The following FGD6 variants were observed in gnomAD, a reference collection of about 807,000 sequenced individuals.
FGD6 encodes the protein FYVE, RhoGEF and PH domain containing 6, also known as FYVE, RhoGEF and PH domain-containing protein 6.
A neutral mutation model predicts 149.4 loss-of-function variants in FGD6; 90 were observed. The ratio of observed to expected loss-of-function variants is 0.60; its 90% CI spans 0.51 to 0.72. The LOEUF (loss-of-function observed/expected upper bound fraction) is 0.72. Among genes scored for constraint, FGD6 ranks in the 30% least tolerant of loss-of-function variants. The pLI, the probability that FGD6 is intolerant of heterozygous loss-of-function variation, is 0.00. For synonymous variants in FGD6, 527 were observed against 584.0 expected (o/e 0.90, Z 1.41); for missense variants, 1,437 against 1,684.8 (o/e 0.85, Z 2.57).
At chr12:95,114,442 C>T in intron 8 of FGD6, among the ~76,000 whole-genome samples, 1 of 83,440 alleles carries the variant, frequency 1.2e-5, no homozygotes, top group Admixed American at 1.5e-4. Flanking sequence ...CCCATCTCTA[C>T]TACACACACA....
Position 95,149,463 on chromosome 12 carries a change from A to G in FGD6, c.2685+3348T>C, listed in dbSNP as rs1219342688. On this transcript the variant is annotated intron_variant, in intron 5 of 20. Transcript: ENST00000343958. Reference sequence around the variant, plus strand: ...TTATATATAATACATAGTATATTATACATCACATAGTATATATCACATATA... The same window carrying G: ...TTATATATAATACATAGTATATTATGCATCACATAGTATATATCACATATA... Among the ~76,000 whole-genome samples the G allele has an allele frequency of 2.2e-5, 3 of 133,440 alleles. No individual in the cohort carries two copies. The Admixed American group carries it at 2.8e-4, about 12-fold the overall frequency. 87.5% of individuals were successfully genotyped at this position (133,440 alleles called of 152,430 possible).
chr12:95,180,244 T>G (rs1260270172), intron 2 of FGD6, among the ~76,000 whole-genome samples: 2 of 151,372 alleles, frequency 1.3e-5, no homozygotes, highest in Admixed American at 1.3e-4. Flanking sequence ...GTGTGTATAT[T>G]TGTGTGTGTG....
intron 8 of FGD6, among the ~76,000 whole-genome samples, chr12:95,132,337 G>GT (rs951303019): frequency 6.6e-6 from 1 of 152,136 alleles, no homozygotes; most frequent in African/African-American, 2.4e-5. Flanking sequence ...AGTAAAGAGA[G>GT]TTTTTTAAAA....
At chr12:95,126,025 C>A in intron 8 of FGD6, 1 of 1,318,914 alleles carries the variant, frequency 7.6e-7, no homozygotes, top group South Asian at 1.2e-5. Context: ...TGGGCAGCCA[C>A]ACAATGGGCC....
rs2056709257 is a variant in FGD6, at chr12:95,209,223, G to A, written c.2061C>T (p.Pro687=). 2 of 1,614,078 alleles carry A rather than the reference G, an allele frequency of 1.2e-6. No individual in the cohort carries two copies. The highest frequency in any genetic ancestry group is 1.3e-5 in the African/African-American group (1 of 74,984). Residue 687 remains proline, a synonymous_variant, in exon 2 of 21, where the codon CCC becomes CCT. Transcript: ENST00000343958. ...LLVGEEKRSK[P]IKAYSTENYS... ...AGTTTTCTGTGGAATATGCCTTGAT[G>A]GGTTTACTTCTCTTCTCCTCTCCTA...
intron 2 of FGD6, among the ~76,000 whole-genome samples, chr12:95,198,100 C>T (rs1881776050): frequency 6.6e-6 from 1 of 152,006 alleles, no homozygotes; most frequent in African/African-American, 2.4e-5. Context: ...CCTTGTGGTC[C>T]CTTGGGTAGA....
chr12:95,147,444 A>G (rs972073855), intron 5 of FGD6, among the ~76,000 whole-genome samples: 5 of 152,184 alleles, frequency 3.3e-5, no homozygotes, highest in Non-Finnish European at 7.3e-5. Flanking sequence ...AACACTAACA[A>G]GTAATCATCA....
rs1410839737 is a variant in FGD6 at position 95,209,314 on chromosome 12, G to GT, written c.1969dup (p.Thr657AsnfsTer15). On this transcript the variant is annotated frameshift_variant, in exon 2 of 21. Transcript: ENST00000343958. LOFTEE classifies it high-confidence loss of function. ...CCCACTGGAGAGGTGGCCTGTGGTGGTGTCTCCGAGTTGGCTACTCTTGGA... is the reference window on the plus strand; with the variant it reads ...CCCACTGGAGAGGTGGCCTGTGGTGGTTGTCTCCGAGTTGGCTACTCTTGGA... 6.2e-7 allele frequency: 1 copy of GT among 1,613,736 alleles called. No individual in the cohort carries two copies. The highest frequency in any genetic ancestry group is 8.5e-7 in the Non-Finnish European group (1 of 1,179,896).
intron 9 of FGD6, 77 bp from the exon 10 acceptor site, chr12:95,108,638 G>A: frequency 6.5e-7 from 1 of 1,534,976 alleles, no homozygotes; most frequent in Non-Finnish European, 9.0e-7. Flanking sequence ...AGCAATTCCA[G>A]GGGACAAGAT....
intron 14 of FGD6, among the ~76,000 whole-genome samples, chr12:95,099,813 C>A (rs1208894555): frequency 2.0e-5 from 3 of 152,108 alleles, no homozygotes; most frequent in African/African-American, 4.8e-5. Context: ...AATTCAATGA[C>A]CTTACTATGG....
intron 19 of FGD6, 87 bp from the exon 20 acceptor site, chr12:95,084,733 T>G (rs1187480079): frequency 1.9e-6 from 2 of 1,036,856 alleles, no homozygotes; most frequent in Non-Finnish European, 2.7e-6. Flanking sequence ...TAGCTCTAAT[T>G]TAATTTCAAT....
intron 8 of FGD6, among the ~76,000 whole-genome samples, chr12:95,119,113 G>GATA (rs1222685607): frequency 6.6e-6 from 1 of 151,772 alleles, no homozygotes; most frequent in East Asian, 1.9e-4. Context: ...TGATGATGAT[G>GATA]ATAATAATAA....
intron 5 of FGD6, among the ~76,000 whole-genome samples, chr12:95,151,404 AG>A (rs1880305719): frequency 6.6e-6 from 1 of 151,946 alleles, no homozygotes. Context: ...CTGAGTAGCT[AG>A]GACTACAGGC....
At position 95,209,919 on chromosome 12, in the gene FGD6, C is replaced by A; in HGVS notation, c.1365G>T (p.Leu455=). 1 of 1,613,496 alleles carries A rather than the reference C, an allele frequency of 6.2e-7. No homozygotes were observed. Among genetic ancestry groups the A allele is most frequent in the Non-Finnish European group, 8.5e-7 (1 of 1,179,928 alleles). Residue 455 remains leucine (L), a synonymous_variant, in exon 2 of 21, where the codon CTG becomes CTT. Transcript: ENST00000343958. ...GFIRCTVSMS[L]PKQLKLTCNE... ...TGCAAGTTAATTTGAGCTGCTTAGG[C>A]AGGCTCATAGATACAGTACATCTTA... is the stretch of plus-strand genomic sequence containing the variant.
At chr12:95,089,881 A>T (rs1877994978) in intron 17 of FGD6, among the ~76,000 whole-genome samples, 185 bp from the exon 18 acceptor site, 1 of 152,130 alleles carries the variant, frequency 6.6e-6, no homozygotes, top group Admixed American at 6.6e-5. Flanking sequence ...TCTACTATCT[A>T]TGGTTTTATA....
At chr12:95,116,713 C>T (rs1879026325) in intron 8 of FGD6, 3 of 402,022 alleles carry the variant, frequency 7.5e-6, no homozygotes, top group South Asian at 5.5e-5. Context: ...TTAAAAATAT[C>T]TTTATGGTCT....
chr12:95,174,036 G>GT (rs1293083233), intron 2 of FGD6, among the ~76,000 whole-genome samples: 3 of 152,146 alleles, frequency 2.0e-5, no homozygotes, highest in African/African-American at 7.2e-5. Context: ...TAAAGACGGG[G>GT]TTTTCCATTA....
chr12:95,209,883 C>T lies in FGD6; in HGVS notation c.1401G>A (p.Leu467=). The T allele has an allele frequency of 6.2e-7, 1 of 1,613,302 alleles. No homozygotes were observed. The highest frequency in any genetic ancestry group is 1.3e-5 in the African/African-American group (1 of 74,996). ...KQLKLTCNEH[L]QSGRNLGVSA... is the part of the protein sequence containing the mutation. ...AAACTCCCAGGTTTCTCCCAGATTG[C>T]AAATGTTCATTGCAAGTTAATTTGA... Residue 467 remains leucine, a synonymous_variant, in exon 2 of 21, where the codon TTG becomes TTA. Transcript: ENST00000343958.
At chr12:95,138,528 G>C (rs1176870448) in intron 6 of FGD6, among the ~76,000 whole-genome samples, 3 of 150,740 alleles carry the variant, frequency 2.0e-5, no homozygotes, top group Non-Finnish European at 4.4e-5. Context: ...CTAGGCGACA[G>C]AGTGAGACAA....
Sources: gnomAD v4.1 joint callset for allele counts (sites outside exome capture counted in the v4.1 genomes callset) on GRCh38, gnomAD v4.1.1 for gene constraint, MANE v1.5 for transcripts, NCBI Gene and HGNC (gene_info 2026-07-23, HGNC 2026-07-21) for gene names.